Variants in PHTF1 observed in about 807,000 individuals in gnomAD.
PHTF1 encodes the protein protein PHTF1.
In PHTF1, 88 loss-of-function variants were observed where a neutral mutation model predicts 102.4. That is an observed-to-expected ratio of 0.86 (90% confidence interval 0.72 to 1.03). PHTF1 has a LOEUF of 1.03. Among genes scored for constraint, PHTF1 ranks in the 50% least tolerant of loss-of-function variants. The probability of loss-of-function intolerance (pLI) is 0.00; values close to 1 mark genes in which losing one functional copy is unlikely to be tolerated. For synonymous variants in PHTF1, 289 were observed against 305.2 expected, an observed-to-expected ratio of 0.95 and a Z score of 0.55; for missense variants, 814 against 909.5, an observed-to-expected ratio of 0.89 and a Z score of 1.35.
chr1:113,755,562 C>T (rs190885156), intron 3 of PHTF1, among the ~76,000 whole-genome samples: 1 of 152,042 alleles, frequency 6.6e-6, no homozygotes, highest in East Asian at 1.9e-4. Context: ...TATGAGAGAA[C>T]GAGTAAAAAA....
chr1:113,708,954 T>A (rs1650634348), intron 11 of PHTF1, among the ~76,000 whole-genome samples: 1 of 152,126 alleles, frequency 6.6e-6, no homozygotes, highest in South Asian at 2.1e-4. Flanking sequence ...TCAGAAAAAG[T>A]AGCATAAAAT....
At chr1:113,752,531 G>T (rs1222297255) in intron 3 of PHTF1, among the ~76,000 whole-genome samples, 1 of 10,610 alleles carries the variant, frequency 9.4e-5, no homozygotes, top group Non-Finnish European at 2.3e-4. Flanking sequence ...CTCCCCAGTA[G>T]CCTGCAACCA....
At chr1:113,703,820 T>A in intron 15 of PHTF1, 1 of 408,148 alleles carries the variant, frequency 2.5e-6, no homozygotes. Flanking sequence ...AGAAAATCAG[T>A]TATTTTGCAA....
intron 3 of PHTF1, among the ~76,000 whole-genome samples, chr1:113,750,509 ATT>A: frequency 6.6e-6 from 1 of 152,120 alleles, no homozygotes; most frequent in East Asian, 1.9e-4. Flanking sequence ...ATTAATTAAT[ATT>A]AATTAGAATG....
At chr1:113,721,337 T>G (rs1232480902) in intron 7 of PHTF1, among the ~76,000 whole-genome samples, 1 of 152,102 alleles carries the variant, frequency 6.6e-6, no homozygotes, top group Non-Finnish European at 1.5e-5. Context: ...AAAATCAGGG[T>G]ATAGAAGGAA....
chr1:113,756,497 T>A (rs1006584375), intron 3 of PHTF1, among the ~76,000 whole-genome samples: 2 of 152,192 alleles, frequency 1.3e-5, no homozygotes, highest in Non-Finnish European at 2.9e-5. Flanking sequence ...AGCTGGCATT[T>A]ATCAGCACTT....
intron 3 of PHTF1, among the ~76,000 whole-genome samples, chr1:113,753,410 T>A (rs187328394): frequency 1.8e-4 from 27 of 146,562 alleles, no homozygotes; most frequent in African/African-American, 6.9e-4. Context: ...TATCTGACCT[T>A]CTTAATTAGG....
rs1297250067 is a variant in PHTF1, at chr1:113,706,167, GAATTA to G, written c.1399-10_1399-6del. On this transcript the variant is annotated splice_polypyrimidine_tract_variant and splice_region_variant and intron_variant, in intron 12 of 18. Transcript: ENST00000369604. Reference sequence around the variant, plus strand: ...TCCTTGCTGATAGGCATTGACCTGTGAATTAATTTAAAATTTCCACCATTATTGTG... The same window carrying G: ...TCCTTGCTGATAGGCATTGACCTGTGATTTAAAATTTCCACCATTATTGTG... 1.1e-5 allele frequency: 18 copies of G among 1,586,172 alleles called. No homozygotes were observed. The highest frequency in any genetic ancestry group is 1.5e-5 in the Non-Finnish European group (17 of 1,167,436).
intron 10 of PHTF1, 78 bp downstream of exon 10, chr1:113,711,668 G>C: frequency 3.7e-6 from 4 of 1,086,972 alleles, no homozygotes; most frequent in African/African-American, 1.5e-5. Context: ...TGCTACTTTA[G>C]GGCAACCAAT....
At chr1:113,728,483 C>A (rs1340426601) in intron 5 of PHTF1, among the ~76,000 whole-genome samples, 1 of 152,130 alleles carries the variant, frequency 6.6e-6, no homozygotes, top group Non-Finnish European at 1.5e-5. Context: ...AAAAGGGAAC[C>A]CCCGTACACT....
chr1:113,716,074 T>C (rs1342028255), intron 7 of PHTF1, among the ~76,000 whole-genome samples: 1 of 151,734 alleles, frequency 6.6e-6, no homozygotes, highest in Non-Finnish European at 1.5e-5. Flanking sequence ...ACAGGAAACT[T>C]CCCAAATCTA....
At chr1:113,701,050 T>C (rs1557901729) in intron 15 of PHTF1, 101 bp from the exon 16 acceptor site, 1 of 843,886 alleles carries the variant, frequency 1.2e-6, no homozygotes. Flanking sequence ...AAAAATCCAA[T>C]ATTTTAATAC....
chr1:113,708,841 G>A (rs1446467952), intron 11 of PHTF1, among the ~76,000 whole-genome samples: 1 of 152,048 alleles, frequency 6.6e-6, no homozygotes, highest in African/African-American at 2.4e-5. Context: ...GGAGTGCTAC[G>A]GAGATCAACA....
intron 18 of PHTF1, 43 bp from the exon 19 acceptor site, chr1:113,697,768 C>A: frequency 6.8e-7 from 1 of 1,475,530 alleles, no homozygotes; most frequent in South Asian, 1.1e-5. Context: ...TCTAGGAAAA[C>A]CAGGTGGGAT....
intron 2 of PHTF1, 123 bp from the exon 3 acceptor site, chr1:113,757,878 C>CA: frequency 1.5e-6 from 1 of 659,022 alleles, no homozygotes; most frequent in South Asian, 1.8e-5. Flanking sequence ...ATATGCTTCT[C>CA]AAAAGTTAGA....
At chr1:113,756,999 C>G (rs1658983482) in intron 3 of PHTF1, among the ~76,000 whole-genome samples, 1 of 152,002 alleles carries the variant, frequency 6.6e-6, no homozygotes, top group Non-Finnish European at 1.5e-5. Context: ...AACCCCGTCT[C>G]TACTAAAAAT....
intron 6 of PHTF1, 28 bp downstream of exon 6, chr1:113,726,390 A>G (rs1390796951): frequency 1.3e-6 from 2 of 1,491,388 alleles, no homozygotes; most frequent in East Asian, 4.6e-5. Flanking sequence ...CAGAAAATAT[A>G]CAACTACAGT....
At chr1:113,757,859 A>G (rs1571276085) in intron 2 of PHTF1, 104 bp from the exon 3 acceptor site, 8 of 721,262 alleles carry the variant, frequency 1.1e-5, no homozygotes, top group Non-Finnish European at 1.8e-5. Context: ...TCAATATGCT[A>G]TGTGGAAAAT....
chr1:113,736,639 G>A (rs1198913315), intron 5 of PHTF1, among the ~76,000 whole-genome samples: 1 of 152,078 alleles, frequency 6.6e-6, no homozygotes, highest in Non-Finnish European at 1.5e-5. Context: ...CAGCTACTCG[G>A]GAGGTTGAGG....
Sources: gnomAD v4.1 joint callset for allele counts (sites outside exome capture counted in the v4.1 genomes callset) on GRCh38, gnomAD v4.1.1 for gene constraint, MANE v1.5 for transcripts, NCBI Gene and HGNC (gene_info 2026-07-23, HGNC 2026-07-21) for gene names.